USP32: variants seen among roughly 807,000 people sequenced by gnomAD.
The protein encoded by USP32 is ubiquitin specific peptidase 32.
In USP32, 59 loss-of-function variants were observed where a neutral mutation model predicts 204.8. The observed-to-expected ratio is 0.29, with a 90% CI of 0.23 to 0.36. The LOEUF is 0.36. USP32 is among the 10% of genes least tolerant of loss of function. The pLI is 1.00. For synonymous variants in USP32, 517 were observed against 678.4 expected (o/e 0.76, Z 3.70); for missense variants, 1,160 against 1,946.4 (o/e 0.60, Z 7.60).
intron 2 of USP32, among the ~76,000 whole-genome samples, chr17:60,328,207 C>G (rs924633185): frequency 6.6e-6 from 1 of 152,226 alleles, no homozygotes; most frequent in Non-Finnish European, 1.5e-5. Context: ...ACTTCCTCCC[C>G]TCTGAGGCCC....
Position 60,192,872 on chromosome 17 carries a change from T to C in USP32, c.3493A>G (p.Asn1165Asp), listed in dbSNP as rs1269150125. The C allele has an allele frequency of 1.2e-6, 2 of 1,613,936 alleles. No homozygotes were observed. Among genetic ancestry groups the C allele is most frequent in the Non-Finnish European group, 1.7e-6 (2 of 1,179,890 alleles). Residue 1165 changes from asparagine to aspartate, a missense_variant, in exon 28 of 34, where the codon AAC becomes GAC. Around this residue, in one of 8 missense-constraint regions of USP32, gnomAD observed 160 missense variants for 322.5 expected, o/e 0.50. Transcript: ENST00000300896. ...FTLRVVQKDG[N>D]SCAWCPWYRF... ...TACCATGGGCACCAAGCACAGGAGT[T>C]CCCATCTTTCTGCACAACTCGTAGA...
chr17:60,326,847 C>A (rs1234364578), intron 2 of USP32, among the ~76,000 whole-genome samples: 1 of 152,100 alleles, frequency 6.6e-6, no homozygotes, highest in East Asian at 1.9e-4. Context: ...TACTATCCTG[C>A]CAAGTTATTT....
At chr17:60,329,925 A>G (rs530143276) in intron 2 of USP32, among the ~76,000 whole-genome samples, 2 of 152,378 alleles carry the variant, frequency 1.3e-5, no homozygotes, top group East Asian at 3.9e-4. Context: ...TACTCAGAGC[A>G]TAAGCAGTAT....
intron 2 of USP32, among the ~76,000 whole-genome samples, chr17:60,307,265 A>C (rs2087748047): frequency 6.6e-6 from 1 of 151,996 alleles, no homozygotes; most frequent in African/African-American, 2.4e-5. Flanking sequence ...ATACCCAGCT[A>C]ATTTTTTGTA....
intron 28 of USP32, among the ~76,000 whole-genome samples, chr17:60,192,597 G>A (rs1181756117): frequency 6.6e-6 from 1 of 152,006 alleles, no homozygotes; most frequent in Non-Finnish European, 1.5e-5. Context: ...ACCACGCCCC[G>A]CTAATTTTTG....
chr17:60,280,627 T>C (rs957105954), intron 5 of USP32, among the ~76,000 whole-genome samples: 3 of 152,240 alleles, frequency 2.0e-5, no homozygotes, highest in Non-Finnish European at 4.4e-5. Flanking sequence ...GTTTCCTAGA[T>C]ACCTTGGCTC....
intron 1 of USP32, among the ~76,000 whole-genome samples, chr17:60,409,311 G>A (rs2090001416): frequency 6.6e-6 from 1 of 152,224 alleles, no homozygotes; most frequent in African/African-American, 2.4e-5. Flanking sequence ...TCATGCCACA[G>A]CATTCCAGCC....
intron 1 of USP32, among the ~76,000 whole-genome samples, chr17:60,373,422 A>G (rs897459865): frequency 6.6e-6 from 1 of 151,348 alleles, no homozygotes; most frequent in Admixed American, 6.6e-5. Context: ...TTCAATAATA[A>G]ATTAATTTTA....
intron 1 of USP32, among the ~76,000 whole-genome samples, chr17:60,417,945 A>G (rs1336514703): frequency 1.4e-5 from 2 of 141,412 alleles, no homozygotes; most frequent in Non-Finnish European, 3.0e-5. Flanking sequence ...GTCCACCACC[A>G]CGTCCGGCTA....
intron 1 of USP32, among the ~76,000 whole-genome samples, chr17:60,355,900 A>AG (rs1254564729): frequency 6.6e-6 from 1 of 150,576 alleles, no homozygotes; most frequent in East Asian, 1.9e-4. Context: ...AAAAAAAAAA[A>AG]AAAAAAAAAA....
intron 11 of USP32, among the ~76,000 whole-genome samples, chr17:60,237,225 T>C (rs1398508756): frequency 6.6e-6 from 1 of 151,852 alleles, no homozygotes; most frequent in African/African-American, 2.4e-5. Flanking sequence ...GCTGAAGCCT[T>C]GACCTCCTGG....
At chr17:60,317,213 C>T (rs1013519842) in intron 2 of USP32, among the ~76,000 whole-genome samples, 1 of 151,894 alleles carries the variant, frequency 6.6e-6, no homozygotes, top group African/African-American at 2.4e-5. Flanking sequence ...GAAATGTTCA[C>T]TTAAAGGTGA....
intron 10 of USP32, 76 bp downstream of exon 10, chr17:60,255,098 TG>T (rs2086262245): frequency 9.7e-7 from 1 of 1,031,306 alleles, no homozygotes; most frequent in Non-Finnish European, 1.4e-6. Flanking sequence ...ACAACAACTC[TG>T]GCTACTATAT....
intron 25 of USP32, among the ~76,000 whole-genome samples, chr17:60,206,718 T>C (rs1384377714): frequency 6.6e-6 from 1 of 152,130 alleles, no homozygotes; most frequent in Admixed American, 6.5e-5. Context: ...CTATTGTTTA[T>C]ATTTTCTGGT....
chr17:60,343,804 G>T (rs2088716405), intron 2 of USP32, among the ~76,000 whole-genome samples: 1 of 152,170 alleles, frequency 6.6e-6, no homozygotes, highest in South Asian at 2.1e-4. Flanking sequence ...GGCCAAGGCG[G>T]GTAGGTCACC....
intron 2 of USP32, among the ~76,000 whole-genome samples, chr17:60,310,900 A>G (rs1426430329): frequency 6.6e-6 from 1 of 152,120 alleles, no homozygotes; most frequent in East Asian, 1.9e-4. Flanking sequence ...CCAAGCACAG[A>G]GAGACAAATA....
chr17:60,346,308 G>C (rs958128135), intron 1 of USP32, among the ~76,000 whole-genome samples: 8 of 152,066 alleles, frequency 5.3e-5, no homozygotes, highest in Non-Finnish European at 4.4e-5. Context: ...ATTTTAGGCA[G>C]GGGCAAAGAA....
intron 8 of USP32, among the ~76,000 whole-genome samples, chr17:60,265,772 ATTC>A (rs2086575729): frequency 6.6e-6 from 1 of 152,220 alleles, no homozygotes; most frequent in Non-Finnish European, 1.5e-5. Context: ...CTATGGTTTC[ATTC>A]TTATTTTACA....
chr17:60,242,332 TTCTC>T (rs1361145476), intron 11 of USP32, among the ~76,000 whole-genome samples: 1 of 152,192 alleles, frequency 6.6e-6, no homozygotes, highest in Admixed American at 6.5e-5. Context: ...AGTCAGTCCT[TTCTC>T]TACTGAATTT....
Sources: allele counts gnomAD v4.1 joint callset (sites outside exome capture counted in the v4.1 genomes callset), GRCh38; gene constraint gnomAD v4.1.1; regional missense constraint gnomAD v4.1.1; transcripts MANE v1.5; gene names NCBI Gene and HGNC (gene_info 2026-07-23, HGNC 2026-07-21).